Variants in KAZN observed in about 807,000 individuals in gnomAD.
KAZN encodes kazrin, periplakin interacting protein.
KAZN carries 40 observed loss-of-function variants against 87.4 expected under a neutral mutation model. The ratio of observed to expected loss-of-function variants is 0.46; its 90% confidence interval spans 0.36 to 0.60. The LOEUF is 0.60. Ranked by LOEUF, KAZN falls within the 20% of genes least tolerant of loss-of-function variation. The pLI is 0.00. For missense variants in KAZN, 898 were observed against 1,073.9 expected, an observed-to-expected ratio of 0.84 and a Z score of 2.29; for synonymous variants, 466 against 458.3, an observed-to-expected ratio of 1.02 and a Z score of -0.22.
chr1:14,111,033 C>T (rs1644489106), intron 1 of KAZN, among the ~76,000 whole-genome samples: 1 of 134,272 alleles, frequency 7.4e-6, no homozygotes, highest in Non-Finnish European at 1.6e-5. Context: ...GTTAAAATGG[C>T]CCTGGATGAC....
chr1:13,970,808 A>G (rs900767901), intron 1 of KAZN, among the ~76,000 whole-genome samples: 3 of 152,152 alleles, frequency 2.0e-5, no homozygotes, highest in African/African-American at 7.2e-5. Context: ...TTCTTCTGCT[A>G]ATCTTTATCT....
Position 14,685,799 on chromosome 1 carries a change from C to T in KAZN, c.226+86576C>T, listed in dbSNP as rs145504601. Among the ~76,000 whole-genome samples, 15 of 152,342 alleles carry T rather than the reference C, an allele frequency of 9.8e-5. No homozygotes were observed. The East Asian group carries it at 2.7e-3, about 27-fold the overall frequency. On this transcript the variant is annotated intron_variant, in intron 1 of 14. Coordinates refer to ENST00000376030, the MANE Select transcript of KAZN (RefSeq NM_201628.3). ...AACTCTAGAAAGAGTAGTTGTTTCTCACTCACTTTAGAGAATCCCCAGCTG... is the reference window on the plus strand; with the variant it reads ...AACTCTAGAAAGAGTAGTTGTTTCTTACTCACTTTAGAGAATCCCCAGCTG...
At chr1:14,103,045 C>A (rs1170073654) in intron 1 of KAZN, among the ~76,000 whole-genome samples, 1 of 151,856 alleles carries the variant, frequency 6.6e-6, no homozygotes, top group Non-Finnish European at 1.5e-5. Flanking sequence ...GCCTCCCAAG[C>A]AGATGAGGTT....
At chr1:14,238,548 A>G (rs56264750) in intron 2 of KAZN, among the ~76,000 whole-genome samples, 5,564 of 152,346 alleles carry the variant, frequency 0.037, 166 homozygotes, top group East Asian at 0.097. Flanking sequence ...TAACAAACAA[A>G]CAAGCAACAA....
chr1:13,950,010 A>G (rs1344209676), intron 1 of KAZN, among the ~76,000 whole-genome samples: 1 of 152,202 alleles, frequency 6.6e-6, no homozygotes, highest in East Asian at 1.9e-4. Context: ...AATGGTGGGT[A>G]GGGGCCTTCC....
intron 1 of KAZN, among the ~76,000 whole-genome samples, chr1:14,042,212 A>G (rs563256171): frequency 1.3e-5 from 2 of 151,388 alleles, no homozygotes; most frequent in South Asian, 4.2e-4. Flanking sequence ...AAATTTCCTC[A>G]GCATAAATTT....
chr1:14,641,656 TG>T (rs1322165558), intron 1 of KAZN, among the ~76,000 whole-genome samples: 4 of 152,222 alleles, frequency 2.6e-5, no homozygotes, highest in Admixed American at 2.6e-4. Context: ...GGAGGATTTC[TG>T]GAACACAACA....
intron 1 of KAZN, among the ~76,000 whole-genome samples, chr1:14,883,410 A>AGAAAGAAAGAAAGAAAGAAG (rs1653689666): frequency 6.8e-6 from 1 of 146,970 alleles, no homozygotes; most frequent in African/African-American, 2.6e-5. Flanking sequence ...AAAGAAAGAA[A>AGAAAGAAAGAAAGAAAGAAG]GAAAGAAAGA....
chr1:14,338,267 A>G (rs919190248), intron 2 of KAZN, among the ~76,000 whole-genome samples: 2 of 151,988 alleles, frequency 1.3e-5, no homozygotes, highest in Non-Finnish European at 2.9e-5. Context: ...TGAGGTCAGG[A>G]GCTTGAGACT....
exon 2 of KAZN, chr1:14,180,546 T>C: frequency 6.4e-7 from 1 of 1,550,430 alleles, no homozygotes; most frequent in East Asian, 2.4e-5. Context: ...AAGGAGACTC[T>C]GAAGAGTTCC....
intron 2 of KAZN, among the ~76,000 whole-genome samples, chr1:14,429,979 T>G (rs1330977460): frequency 2.0e-5 from 3 of 152,034 alleles, no homozygotes; most frequent in Non-Finnish European, 2.9e-5. Flanking sequence ...CCCATCCCTC[T>G]CCCGATCACT....
chr1:14,913,039 G>T (rs1256132297), intron 1 of KAZN, among the ~76,000 whole-genome samples: 2 of 152,204 alleles, frequency 1.3e-5, no homozygotes, highest in African/African-American at 4.8e-5. Context: ...AGGGGCTGGA[G>T]TGATGGAAGG....
At chr1:14,308,896 C>G (rs546469337) in intron 2 of KAZN, among the ~76,000 whole-genome samples, 1 of 152,104 alleles carries the variant, frequency 6.6e-6, no homozygotes, top group African/African-American at 2.4e-5. Context: ...GCTCTAAAGA[C>G]GAGCAAATTG....
intron 8 of KAZN, among the ~76,000 whole-genome samples, chr1:15,080,646 A>G (rs1376788645): frequency 6.6e-6 from 1 of 152,226 alleles, no homozygotes; most frequent in African/African-American, 2.4e-5. Context: ...GGCCATAAAA[A>G]GTTGTTTTTT....
At chr1:14,159,435 T>G (rs1645664177) in intron 1 of KAZN, among the ~76,000 whole-genome samples, 1 of 152,194 alleles carries the variant, frequency 6.6e-6, no homozygotes, top group African/African-American at 2.4e-5. Context: ...TGATGTTCTC[T>G]TAAGGCTCAA....
intron 1 of KAZN, among the ~76,000 whole-genome samples, chr1:14,171,254 A>T (rs1645948631): frequency 6.6e-6 from 1 of 152,118 alleles, no homozygotes; most frequent in Non-Finnish European, 1.5e-5. Flanking sequence ...GTGAATGCTC[A>T]TGTGTGAGTG....
chr1:14,743,087 G>T (rs899089793), intron 1 of KAZN, among the ~76,000 whole-genome samples: 1 of 152,144 alleles, frequency 6.6e-6, no homozygotes, highest in African/African-American at 2.4e-5. Context: ...TGCGTCGCAG[G>T]CATGAAGAGG....
At chr1:14,583,554 C>A (rs763004951) in intron 2 of KAZN, among the ~76,000 whole-genome samples, 4 of 152,122 alleles carry the variant, frequency 2.6e-5, no homozygotes, top group East Asian at 3.9e-4. Context: ...CAAATGGAGG[C>A]AAAGGAGCTG....
chr1:14,139,365 G>A (rs905909602), intron 1 of KAZN, among the ~76,000 whole-genome samples: 1 of 152,158 alleles, frequency 6.6e-6, no homozygotes, highest in Non-Finnish European at 1.5e-5. Context: ...TGTTTGGTTT[G>A]GTTTACCTGA....
Sources: allele counts gnomAD v4.1 joint callset (sites outside exome capture counted in the v4.1 genomes callset), GRCh38; gene constraint gnomAD v4.1.1; transcripts MANE v1.5; gene names NCBI Gene and HGNC (gene_info 2026-07-23, HGNC 2026-07-21).